The following ZBTB20 variants were observed in gnomAD, a reference collection of about 807,000 sequenced individuals.
ZBTB20 encodes zinc finger and BTB domain containing 20.
In ZBTB20, 9 loss-of-function variants were observed where a neutral mutation model predicts 56.9. The ratio of observed to expected loss-of-function variants is 0.16; its 90% CI spans 0.10 to 0.28. The LOEUF is 0.28. Ranked by LOEUF, ZBTB20 falls within the 10% of genes least tolerant of loss-of-function variation. ZBTB20 has a pLI of 1.00. For missense variants in ZBTB20, 655 were observed against 1,003.0 expected, an observed-to-expected ratio of 0.65 and a Z score of 4.69; for synonymous variants, 417 against 420.7, an observed-to-expected ratio of 0.99 and a Z score of 0.11.
At chr3:114,394,946 A>C (rs2086204326) in intron 7 of ZBTB20, among the ~76,000 whole-genome samples, 2 of 152,198 alleles carry the variant, frequency 1.3e-5, no homozygotes, top group Non-Finnish European at 2.9e-5. Flanking sequence ...TCTAACATGT[A>C]AAGTTCCTAT....
intron 5 of ZBTB20, among the ~76,000 whole-genome samples, chr3:114,734,009 T>C (rs1486083440): frequency 6.6e-6 from 1 of 152,018 alleles, no homozygotes; most frequent in African/African-American, 2.4e-5. Flanking sequence ...AGATACGGTA[T>C]CCCCAAAAAG....
At chr3:114,544,707 G>C (rs2049650404) in intron 6 of ZBTB20, among the ~76,000 whole-genome samples, 1 of 151,944 alleles carries the variant, frequency 6.6e-6, no homozygotes, top group South Asian at 2.1e-4. Context: ...GTTTTGCCAT[G>C]TTGGCCAGGG....
At chr3:114,747,637 G>GA (rs1578670374) in intron 5 of ZBTB20, among the ~76,000 whole-genome samples, 7,824 of 41,282 alleles carry the variant, frequency 0.19, 3,834 homozygotes, top group Non-Finnish European at 0.32. Context: ...ACAAGATTGA[G>GA]GCCGGGCGCG....
At chr3:114,639,628 T>G (rs1288729573) in intron 6 of ZBTB20, among the ~76,000 whole-genome samples, 1 of 152,072 alleles carries the variant, frequency 6.6e-6, no homozygotes, top group Non-Finnish European at 1.5e-5. Context: ...TTATAATAAC[T>G]GGGAAAATGC....
At chr3:114,533,981 G>A (rs2048157851) in intron 6 of ZBTB20, among the ~76,000 whole-genome samples, 1 of 152,102 alleles carries the variant, frequency 6.6e-6, no homozygotes, top group African/African-American at 2.4e-5. Flanking sequence ...AACAGCTCCT[G>A]AAGAAAGCAC....
intron 3 of ZBTB20, among the ~76,000 whole-genome samples, chr3:114,935,374 G>A (rs2076498743): frequency 1.3e-5 from 2 of 152,104 alleles, no homozygotes; most frequent in Admixed American, 1.3e-4. Context: ...GGTCTTCAGG[G>A]AAATAAAGAC....
At chr3:115,100,210 C>T (rs896555729) in intron 1 of ZBTB20, 1 of 151,616 alleles carries the variant, frequency 6.6e-6, no homozygotes, top group Non-Finnish European at 1.5e-5. Flanking sequence ...TTCTTATAAT[C>T]GGTGTCTCCC....
At chr3:114,753,338 GTATA>G (rs1444791004) in intron 5 of ZBTB20, among the ~76,000 whole-genome samples, 5 of 120,628 alleles carry the variant, frequency 4.1e-5, no homozygotes, top group East Asian at 2.3e-4. Context: ...TATATATAAT[GTATA>G]TATGTATACA....
At chr3:114,836,961 C>T (rs570070542) in intron 4 of ZBTB20, among the ~76,000 whole-genome samples, 1 of 152,266 alleles carries the variant, frequency 6.6e-6, no homozygotes, top group South Asian at 2.1e-4. Context: ...GACCATCTTT[C>T]TGTTCTCATC....
chr3:114,734,921 C>T (rs1323472459), intron 5 of ZBTB20, among the ~76,000 whole-genome samples: 1 of 151,986 alleles, frequency 6.6e-6, no homozygotes, highest in Non-Finnish European at 1.5e-5. Context: ...CTAACACGCA[C>T]ATCTTTGGGA....
At position 115,085,369 on chromosome 3, in the gene ZBTB20, A is replaced by G. The variant is rs1047517299; in HGVS notation, c.-702-13955T>C. 9.2e-5 allele frequency among the ~76,000 whole-genome samples: 14 copies of G among 152,046 alleles called. No individual in the cohort carries two copies. The East Asian group carries it at 2.7e-3, about 29-fold the overall frequency. ...ATATCCTGGAGCCAGACTCTCTCACATGCACACACTACTCCCTGGAAGTAA... is the reference window on the plus strand; with the variant it reads ...ATATCCTGGAGCCAGACTCTCTCACGTGCACACACTACTCCCTGGAAGTAA... On this transcript the variant is annotated intron_variant, in intron 1 of 11. Transcript: ENST00000675478.
intron 1 of ZBTB20, among the ~76,000 whole-genome samples, chr3:115,131,910 T>G (rs944108221): frequency 6.6e-6 from 1 of 152,216 alleles, no homozygotes; most frequent in African/African-American, 2.4e-5. Flanking sequence ...TGATCTATTA[T>G]GTATGCCTAG....
At chr3:114,720,532 A>G (rs1218972855) in intron 5 of ZBTB20, among the ~76,000 whole-genome samples, 2 of 152,140 alleles carry the variant, frequency 1.3e-5, no homozygotes, top group African/African-American at 2.4e-5. Context: ...AGAAAGCAGC[A>G]TGATGACTGT....
intron 6 of ZBTB20, among the ~76,000 whole-genome samples, chr3:114,686,534 C>A (rs2062353268): frequency 1.3e-5 from 2 of 152,150 alleles, no homozygotes; most frequent in Admixed American, 1.3e-4. Context: ...TTTTTAATTA[C>A]TCTTCCCTTT....
Position 114,360,469 on chromosome 3 carries a change from T to C in ZBTB20, c.200-8591A>G, listed in dbSNP as rs183366844. ...AAGTGATTCTCCTGCCTCAGCCTCC[T>C]GAGTAGCTGGGATTACAAGCGTGCT... On this transcript the variant is annotated intron_variant, in intron 10 of 11. Transcript: ENST00000675478. Among the ~76,000 whole-genome samples, 337 of 151,720 alleles carry C rather than the reference T, an allele frequency of 2.2e-3. 4 individuals carry two copies. Among genetic ancestry groups the C allele is most frequent in the Non-Finnish European group, 3.1e-4 (21 of 67,880 alleles).
intron 3 of ZBTB20, among the ~76,000 whole-genome samples, chr3:114,950,645 C>G (rs1320375913): frequency 6.6e-6 from 1 of 152,072 alleles, no homozygotes; most frequent in Non-Finnish European, 1.5e-5. Context: ...CATAAGCACA[C>G]CAGCAATATC....
At chr3:114,640,013 T>C (rs1460529616) in intron 6 of ZBTB20, among the ~76,000 whole-genome samples, 3 of 150,130 alleles carry the variant, frequency 2.0e-5, no homozygotes, top group African/African-American at 7.4e-5. Context: ...AGTAGTTTAA[T>C]TTTTTTTTAT....
chr3:114,793,619 T>C (rs2071133135), intron 5 of ZBTB20, among the ~76,000 whole-genome samples: 1 of 152,166 alleles, frequency 6.6e-6, no homozygotes, highest in African/African-American at 2.4e-5. Flanking sequence ...TTGGGAAGTC[T>C]ATGACAGCAG....
At chr3:114,520,432 T>C (rs542647677) in intron 6 of ZBTB20, among the ~76,000 whole-genome samples, 34 of 152,286 alleles carry the variant, frequency 2.2e-4, no homozygotes, top group African/African-American at 8.2e-4. Flanking sequence ...ATACAATTAC[T>C]ACAGAAATCA....
Sources: allele counts gnomAD v4.1 joint callset (sites outside exome capture counted in the v4.1 genomes callset), GRCh38; gene constraint gnomAD v4.1.1; transcripts MANE v1.5; gene names NCBI Gene and HGNC (gene_info 2026-07-23, HGNC 2026-07-21).